CACNA2D3: variants seen among roughly 807,000 people sequenced by gnomAD.
CACNA2D3 encodes calcium voltage-gated channel auxiliary subunit alpha2delta 3, also known as voltage-dependent calcium channel subunit alpha-2/delta-3.
In CACNA2D3, 60 loss-of-function variants were observed where a neutral mutation model predicts 160.6. The ratio of observed to expected loss-of-function variants is 0.37; its 90% CI spans 0.30 to 0.46. The LOEUF (loss-of-function observed/expected upper bound fraction) is 0.46. Among genes scored for constraint, CACNA2D3 ranks in the 20% least tolerant of loss-of-function variants. The pLI is 1.00. For missense variants in CACNA2D3, 1,205 were observed against 1,365.0 expected, an observed-to-expected ratio of 0.88 and a Z score of 1.85; for synonymous variants, 558 against 492.9, an observed-to-expected ratio of 1.13 and a Z score of -1.75.
At chr3:54,866,389 T>C (rs1350735064) in intron 17 of CACNA2D3, among the ~76,000 whole-genome samples, 2 of 152,276 alleles carry the variant, frequency 1.3e-5, no homozygotes, top group East Asian at 1.9e-4. Flanking sequence ...GGTAAAGGTC[T>C]TCACCAGCTG....
At chr3:54,796,040 A>G (rs1367054822) in intron 13 of CACNA2D3, among the ~76,000 whole-genome samples, 2 of 152,214 alleles carry the variant, frequency 1.3e-5, no homozygotes, top group African/African-American at 2.4e-5. Context: ...CCTTTCACAT[A>G]GGACCAAAAT....
At chr3:54,915,172 T>G (rs1448222591) in intron 27 of CACNA2D3, among the ~76,000 whole-genome samples, 2 of 152,210 alleles carry the variant, frequency 1.3e-5, no homozygotes, top group Non-Finnish European at 2.9e-5. Context: ...AAAAGATTCT[T>G]CCTGTGGGGT....
rs377114377 is a variant in CACNA2D3 at position 54,473,735 on chromosome 3, A to G, written c.382-29757A>G. Reference sequence around the variant, plus strand: ...AAAAGTGGATGAAGGAAATCAACAGACACTTCTCAAAAGAAGACATTTATG... The same window carrying G: ...AAAAGTGGATGAAGGAAATCAACAGGCACTTCTCAAAAGAAGACATTTATG... On this transcript the variant is annotated intron_variant, in intron 4 of 37. Transcript: ENST00000474759. Among the ~76,000 whole-genome samples the G allele has an allele frequency of 3.3e-5, 5 of 152,254 alleles. No individual in the cohort carries two copies. The South Asian group carries it at 1.0e-3, about 31-fold the overall frequency.
At chr3:54,321,176 CGGGTGTGTTGGT>C (rs1703982279) in intron 3 of CACNA2D3, among the ~76,000 whole-genome samples, 1 of 151,896 alleles carries the variant, frequency 6.6e-6, no homozygotes, top group African/African-American at 2.4e-5. Context: ...AAAAATTAGC[CGGGTGTGTTGGT>C]GGGTGCCTGT....
intron 3 of CACNA2D3, among the ~76,000 whole-genome samples, chr3:54,366,332 T>C (rs953199461): frequency 4.6e-5 from 7 of 152,240 alleles, no homozygotes; most frequent in African/African-American, 7.2e-5. Context: ...CAGTGTTCAA[T>C]GATGATGGCA....
chr3:54,696,844 C>T (rs1372870743), intron 11 of CACNA2D3, among the ~76,000 whole-genome samples: 2 of 152,322 alleles, frequency 1.3e-5, no homozygotes, highest in East Asian at 3.9e-4. Flanking sequence ...CCCATTGTCT[C>T]TTGACTCTTA....
chr3:54,783,895 G>C (rs1029325565), intron 13 of CACNA2D3, among the ~76,000 whole-genome samples: 11 of 152,120 alleles, frequency 7.2e-5, no homozygotes, highest in Non-Finnish European at 1.5e-5. Context: ...TTTGCATTTT[G>C]AATGTGTTAA....
chr3:54,179,413 T>C (rs1019626964), intron 2 of CACNA2D3, among the ~76,000 whole-genome samples: 3 of 152,126 alleles, frequency 2.0e-5, no homozygotes, highest in Non-Finnish European at 2.9e-5. Flanking sequence ...CTTTCTCCCA[T>C]GATCCAGCTA....
At chr3:54,835,598 C>T (rs1698660198) in intron 14 of CACNA2D3, among the ~76,000 whole-genome samples, 1 of 152,170 alleles carries the variant, frequency 6.6e-6, no homozygotes, top group African/African-American at 2.4e-5. Context: ...ATGCCTCTTT[C>T]CAAGTAGATT....
chr3:54,344,678 G>C (rs62256102), intron 3 of CACNA2D3, among the ~76,000 whole-genome samples: 15,344 of 152,160 alleles, frequency 0.1, 928 homozygotes, highest in East Asian at 0.22. Flanking sequence ...GGGGGAAGGG[G>C]AGTGTCTCAG....
At chr3:54,621,541 G>A (rs907653018) in intron 9 of CACNA2D3, among the ~76,000 whole-genome samples, 11 of 152,212 alleles carry the variant, frequency 7.2e-5, no homozygotes, top group Admixed American at 7.2e-4. Flanking sequence ...CTCCTTTATT[G>A]AGGTTTAATA....
intron 12 of CACNA2D3, among the ~76,000 whole-genome samples, chr3:54,763,697 G>GTATATATATACA (rs1364245926): frequency 1.6e-5 from 2 of 125,956 alleles, no homozygotes; most frequent in Admixed American, 1.7e-4. Flanking sequence ...GTGTATATAT[G>GTATATATATACA]TATATATGTA....
intron 35 of CACNA2D3, among the ~76,000 whole-genome samples, chr3:55,039,996 T>G (rs896193453): frequency 6.6e-6 from 1 of 152,212 alleles, no homozygotes. Flanking sequence ...GCTGGATGGA[T>G]TAAATAGTAG....
chr3:54,731,047 G>A (rs1235206992), intron 11 of CACNA2D3, among the ~76,000 whole-genome samples: 2 of 152,186 alleles, frequency 1.3e-5, no homozygotes, highest in Non-Finnish European at 2.9e-5. Flanking sequence ...GAACTAGGTT[G>A]GTAATTACCC....
chr3:54,905,552 C>T (rs892331329), intron 27 of CACNA2D3, among the ~76,000 whole-genome samples: 3 of 152,152 alleles, frequency 2.0e-5, no homozygotes, highest in Non-Finnish European at 4.4e-5. Flanking sequence ...AAAATCTGAG[C>T]AAAGGAACTG....
chr3:54,527,884 G>A (rs6445685), intron 5 of CACNA2D3, among the ~76,000 whole-genome samples: 46,725 of 152,084 alleles, frequency 0.31, 7,587 homozygotes, highest in East Asian at 0.45. Flanking sequence ...CTGAGTTTTA[G>A]TGGGGTTTCT....
rs1699194540 is a variant in CACNA2D3, at chr3:54,857,340, C to G, written c.1626+10873C>G. Among the ~76,000 whole-genome samples the G allele has an allele frequency of 2.0e-5, 3 of 152,192 alleles. No homozygotes were observed. The South Asian group carries it at 6.2e-4, about 32-fold the overall frequency. On this transcript the variant is annotated intron_variant, in intron 17 of 37. Coordinates refer to ENST00000474759, the MANE Select transcript of CACNA2D3 (RefSeq NM_018398.3). ...TTTCCTCCACTCTGCTCTGACCATTCCTGTATGTGTAGCATGGCTCATACC... is the reference window on the plus strand; with the variant it reads ...TTTCCTCCACTCTGCTCTGACCATTGCTGTATGTGTAGCATGGCTCATACC...
At chr3:55,030,807 T>C (rs1451157054) in intron 35 of CACNA2D3, among the ~76,000 whole-genome samples, 2 of 152,184 alleles carry the variant, frequency 1.3e-5, no homozygotes, top group Non-Finnish European at 2.9e-5. Context: ...TGTTGTTGTG[T>C]AGGTGTTGCT....
chr3:54,925,645 C>A (rs1700992396), intron 27 of CACNA2D3, among the ~76,000 whole-genome samples: 1 of 152,310 alleles, frequency 6.6e-6, no homozygotes, highest in South Asian at 2.1e-4. Flanking sequence ...ACAGTGCTGT[C>A]TAATACAACT....
Sources: allele counts gnomAD v4.1 joint callset (sites outside exome capture counted in the v4.1 genomes callset), GRCh38; gene constraint gnomAD v4.1.1; transcripts MANE v1.5; gene names NCBI Gene and HGNC (gene_info 2026-07-23, HGNC 2026-07-21).